Variants in GALNT10 observed in about 807,000 individuals in gnomAD.
The protein encoded by GALNT10 is polypeptide N-acetylgalactosaminyltransferase 10.
GALNT10 carries 41 observed loss-of-function variants against 75.0 expected under a neutral mutation model. That is an observed-to-expected ratio of 0.55 (90% CI 0.43 to 0.71). The LOEUF (loss-of-function observed/expected upper bound fraction) is 0.71. Among genes scored for constraint, GALNT10 ranks in the 30% least tolerant of loss-of-function variants. The pLI is 0.00. For synonymous variants in GALNT10, 302 were observed against 313.0 expected, an observed-to-expected ratio of 0.96 and a Z score of 0.37; for missense variants, 727 against 818.5, an observed-to-expected ratio of 0.89 and a Z score of 1.36.
intron 1 of GALNT10, among the ~76,000 whole-genome samples, chr5:154,246,557 C>T (rs1753427735): frequency 6.6e-6 from 1 of 152,176 alleles, no homozygotes; most frequent in Admixed American, 6.5e-5. Context: ...CTCTGATGGC[C>T]AGTGATGATG....
intron 1 of GALNT10, among the ~76,000 whole-genome samples, chr5:154,248,547 A>G (rs928012224): frequency 6.6e-6 from 1 of 152,140 alleles, no homozygotes; most frequent in Non-Finnish European, 1.5e-5. Context: ...GGGAGGGTGT[A>G]TGTGTTGAGG....
At chr5:154,287,911 T>A (rs867186034) in intron 1 of GALNT10, among the ~76,000 whole-genome samples, 2,794 of 137,172 alleles carry the variant, frequency 0.02, 88 homozygotes, top group African/African-American at 0.071. Flanking sequence ...TGTGTGTGTG[T>A]GTGAGAGAGA....
At chr5:154,201,086 A>C (rs776896459) in intron 1 of GALNT10, among the ~76,000 whole-genome samples, 2 of 152,156 alleles carry the variant, frequency 1.3e-5, no homozygotes, top group African/African-American at 2.4e-5. Context: ...TCCTCTAGAC[A>C]GACCCTAGCT....
At chr5:154,202,430 T>TA (rs1248420284) in intron 1 of GALNT10, among the ~76,000 whole-genome samples, 1 of 152,320 alleles carries the variant, frequency 6.6e-6, no homozygotes, top group African/African-American at 2.4e-5. Flanking sequence ...ATTGAGCTCT[T>TA]ACTGCGTGCT....
intron 1 of GALNT10, among the ~76,000 whole-genome samples, chr5:154,223,476 G>A (rs952213292): frequency 6.6e-6 from 1 of 152,208 alleles, no homozygotes; most frequent in Non-Finnish European, 1.5e-5. Flanking sequence ...GGAACTATAA[G>A]CAAGTTATAA....
At chr5:154,224,542 G>T (rs1304502636) in intron 1 of GALNT10, among the ~76,000 whole-genome samples, 2 of 152,202 alleles carry the variant, frequency 1.3e-5, no homozygotes, top group African/African-American at 4.8e-5. Flanking sequence ...CCTGGAAAAG[G>T]CAGAAACTTT....
chr5:154,382,403 G>A (rs1287373909), intron 6 of GALNT10, among the ~76,000 whole-genome samples: 7 of 152,230 alleles, frequency 4.6e-5, no homozygotes, highest in African/African-American at 1.7e-4. Context: ...ATTTAGCCAT[G>A]ATCACATTAT....
chr5:154,233,795 C>T (rs1381302231), intron 1 of GALNT10, among the ~76,000 whole-genome samples: 3 of 152,182 alleles, frequency 2.0e-5, no homozygotes, highest in Non-Finnish European at 4.4e-5. Context: ...TGCTGGGAGA[C>T]TGTAATGGCA....
In GALNT10 at chr5:154,280,799, T is replaced by A. The variant is rs571469553; in HGVS notation, c.160-14017T>A. On this transcript the variant is annotated intron_variant, in intron 1 of 11. Transcript: ENST00000297107. The stretch of plus-strand genomic sequence containing the variant: ...GTCTATGATCTATTTCAAGTTTATA[T>A]CATGTAGGGTGTGAGGAAGTGTGAG... Among the ~76,000 whole-genome samples the A allele has an allele frequency of 4.6e-5, 7 of 152,348 alleles. 1 individual carries two copies. Among genetic ancestry groups the A allele is most frequent in the Admixed American group, 3.3e-4 (5 of 15,302 alleles).
In GALNT10 at chr5:154,298,593, G is replaced by A. The variant is rs139831478; in HGVS notation, c.401+514G>A. ...TTGTATCATCTCAGGTTGCTGTGAGGTAGGTCCTGTAATGATGCCGATTTT... is the reference window on the plus strand; with the variant it reads ...TTGTATCATCTCAGGTTGCTGTGAGATAGGTCCTGTAATGATGCCGATTTT... On this transcript the variant is annotated intron_variant, in intron 3 of 11. Transcript: ENST00000297107. This position sits in a 1 kb window ranked among gnomAD's most constrained non-coding sequence, Gnocchi z 4.1. 2.0e-5 allele frequency among the ~76,000 whole-genome samples: 3 copies of A among 152,290 alleles called. No homozygotes were observed. The highest frequency in any genetic ancestry group is 1.3e-4 in the Admixed American group (2 of 15,298).
intron 1 of GALNT10, among the ~76,000 whole-genome samples, chr5:154,199,658 G>T (rs543151805): frequency 1.3e-5 from 2 of 152,286 alleles, no homozygotes; most frequent in South Asian, 4.1e-4. Flanking sequence ...CCTGCCATGG[G>T]CAAGGATGAG....
intron 1 of GALNT10, among the ~76,000 whole-genome samples, chr5:154,192,443 G>T (rs911401527): frequency 3.3e-5 from 5 of 152,208 alleles, no homozygotes; most frequent in African/African-American, 1.2e-4. Context: ...TTCCGTTCAT[G>T]AAATCTCTTT....
chr5:154,253,002 G>GTTTT (rs373849888), intron 1 of GALNT10, among the ~76,000 whole-genome samples: 2 of 89,860 alleles, frequency 2.2e-5, no homozygotes, highest in Non-Finnish European at 4.4e-5. Context: ...TTTTTTAGTG[G>GTTTT]TTTTTTTTTT....
intron 4 of GALNT10, chr5:154,338,425 G>T (rs1754977677): frequency 2.6e-6 from 1 of 377,744 alleles, no homozygotes; most frequent in South Asian, 2.4e-5. Flanking sequence ...AGCTGCTCGG[G>T]CTCTTTAGCA....
Position 154,225,557 on chromosome 5 carries a change from A to AT in GALNT10, c.159+34543dup, listed in dbSNP as rs1346110287. On this transcript the variant is annotated intron_variant, in intron 1 of 11. Coordinates refer to ENST00000297107, the MANE Select transcript of GALNT10 (RefSeq NM_198321.4). ...GGGCATGTGCCACCACACTTGGCTAATTTTTTTTTTTATTATTTTTATCTT... is the reference window on the plus strand; with the variant it reads ...GGGCATGTGCCACCACACTTGGCTAATTTTTTTTTTTTATTATTTTTATCTT... Among the ~76,000 whole-genome samples, 1,092 of 147,836 alleles carry AT rather than the reference A, an allele frequency of 7.4e-3. 6 individuals carry two copies. The highest frequency in any genetic ancestry group is 0.017 in the African/African-American group (697 of 40,340).
chr5:154,267,323 G>C (rs1004997813), intron 1 of GALNT10, among the ~76,000 whole-genome samples: 9 of 152,172 alleles, frequency 5.9e-5, no homozygotes, highest in African/African-American at 2.2e-4. Flanking sequence ...GTAGCAGGTA[G>C]AGGGTGGCAG....
chr5:154,219,836 TCTCA>T (rs1252514323), intron 1 of GALNT10, among the ~76,000 whole-genome samples: 18,575 of 133,876 alleles, frequency 0.14, 1,365 homozygotes, highest in Non-Finnish European at 0.19. Flanking sequence ...TCTCTCTCTC[TCTCA>T]CACACACACA....
chr5:154,330,876 G>A (rs113170721), intron 4 of GALNT10, among the ~76,000 whole-genome samples: 33 of 150,964 alleles, frequency 2.2e-4, no homozygotes, highest in African/African-American at 7.3e-4. Flanking sequence ...AATTACATGC[G>A]TTTAGTACAG....
intron 1 of GALNT10, chr5:154,219,959 C>T (rs1561632552): frequency 6.6e-6 from 1 of 151,956 alleles, no homozygotes; most frequent in Non-Finnish European, 1.5e-5. Context: ...TCAAGAAAAC[C>T]ATGGTAGGCA....
Sources: gnomAD v4.1 joint callset for allele counts (sites outside exome capture counted in the v4.1 genomes callset) on GRCh38, gnomAD v4.1.1 for gene constraint, Gnocchi (gnomAD v3.1) non-coding constraint, MANE v1.5 for transcripts, NCBI Gene and HGNC (gene_info 2026-07-23, HGNC 2026-07-21) for gene names.